AKAP13: variants seen among roughly 807,000 people sequenced by gnomAD.
AKAP13 encodes the protein A-kinase anchor protein 13.
AKAP13 carries 80 observed loss-of-function variants against 264.5 expected under a neutral mutation model. The observed-to-expected ratio is 0.30, with a 90% CI of 0.25 to 0.36. The LOEUF is 0.36. AKAP13 is among the 10% of genes least tolerant of loss of function. The pLI, the probability that AKAP13 is intolerant of heterozygous loss-of-function variation, is 1.00. For synonymous variants in AKAP13, 1,380 were observed against 1,250.2 expected (o/e 1.10, Z -2.19); for missense variants, 3,712 against 3,435.2 (o/e 1.08, Z -2.01).
chr15:85,683,319 C>T lies in AKAP13; in HGVS notation c.5156+1107C>T, dbSNP rs182038218. ...CCCTTGTGGTGCTGCTTCTGCCTGC[C>T]ACCTGCCCTCTCACAGAGGCCCTAG... On this transcript the variant is annotated intron_variant, in intron 15 of 36. Coordinates refer to ENST00000394518, the MANE Select transcript of AKAP13 (RefSeq NM_007200.5). 1.1e-4 allele frequency among the ~76,000 whole-genome samples: 17 copies of T among 152,330 alleles called. 1 individual carries two copies. In the East Asian group the frequency reaches 3.3e-3, roughly 29 times the overall value.
intron 9 of AKAP13, among the ~76,000 whole-genome samples, chr15:85,641,782 G>A (rs756547729): frequency 1.7e-4 from 26 of 151,896 alleles, no homozygotes; most frequent in Non-Finnish European, 2.9e-4. Flanking sequence ...ATGAGCCACC[G>A]TGCCTGGCCA....
chr15:85,655,928 C>G (rs1273902521), intron 11 of AKAP13, 141 bp downstream of exon 11: 3 of 1,345,538 alleles, frequency 2.2e-6, no homozygotes, highest in Non-Finnish European at 9.7e-7. Context: ...TCAGGAAAAT[C>G]TGTGTTCAGA....
rs11452064 is a variant in AKAP13, at chr15:85,419,935, GTTTTTTTTTTTT to G, written c.-12+39150_-12+39161del. ...GCTTAAGTGTCTGAATCTGACTCTT[GTTTTTTTTTTTT>G]TTTTTTTTTTTTGAGACGGAGTCTC... On this transcript the variant is annotated intron_variant, in intron 1 of 36. Coordinates refer to ENST00000394518, the MANE Select transcript of AKAP13 (RefSeq NM_007200.5). Among the ~76,000 whole-genome samples the G allele has an allele frequency of 3.2e-4, 25 of 77,988 alleles. No homozygotes were observed. In the East Asian group the frequency reaches 8.4e-3, roughly 26 times the overall value. 51.2% of individuals were successfully genotyped at this position (77,988 alleles called of 152,430 possible). A position where few individuals can be genotyped will look rare whatever the true frequency, so the allele number is the denominator to read the frequency against.
At chr15:85,520,548 C>A in intron 2 of AKAP13, 4 of 386,726 alleles carry the variant, frequency 1.0e-5, no homozygotes, top group Admixed American at 3.2e-5. Context: ...AGATGTCTTA[C>A]CTTCTAGTAG....
At chr15:85,499,696 T>C (rs189357216) in intron 2 of AKAP13, among the ~76,000 whole-genome samples, 3 of 151,382 alleles carry the variant, frequency 2.0e-5, no homozygotes, top group African/African-American at 4.9e-5. Flanking sequence ...AAAACACTTA[T>C]CTTTCAGGAT....
At position 85,746,140 on chromosome 15, in the gene AKAP13, G is replaced by A. The variant is rs2089361611; in HGVS notation, c.*1463G>A. The A allele has an allele frequency of 6.6e-6, 1 of 152,520 alleles. No homozygotes were observed. The allele number at this position is 152,520 out of a possible 1,614,324, so 9.4% of individuals were successfully genotyped here. A position where few individuals can be genotyped will look rare whatever the true frequency, so the allele number is the denominator to read the frequency against. On this transcript the variant is annotated 3_prime_UTR_variant, in exon 37 of 37. Transcript: ENST00000394518. Reference sequence around the variant, plus strand: ...TTGCTTTTTTGCCCCTCGGAAGCATGGGGCTTTTGAGCACACTTAAAAAAA... The same window carrying A: ...TTGCTTTTTTGCCCCTCGGAAGCATAGGGCTTTTGAGCACACTTAAAAAAA...
Position 85,747,702 on chromosome 15 carries a change from G to A in AKAP13, c.*3025G>A, listed in dbSNP as rs1188529328. On this transcript the variant is annotated 3_prime_UTR_variant, in exon 37 of 37. Coordinates refer to ENST00000394518, the MANE Select transcript of AKAP13 (RefSeq NM_007200.5). ...CTGTGTTTTCTTCTTAGAAAATGGAGAGGGTTAAAAACATGCAAACTGCCA... is the reference window on the plus strand; with the variant it reads ...CTGTGTTTTCTTCTTAGAAAATGGAAAGGGTTAAAAACATGCAAACTGCCA... 1 of 152,632 alleles carries A rather than the reference G, an allele frequency of 6.6e-6. No individual in the cohort carries two copies. Among genetic ancestry groups the A allele is most frequent in the Non-Finnish European group, 1.5e-5 (1 of 68,042 alleles). 9.5% of individuals were successfully genotyped at this position (152,632 alleles called of 1,614,324 possible).
chr15:85,598,993 G>C (rs536139337), intron 8 of AKAP13, among the ~76,000 whole-genome samples: 1 of 152,086 alleles, frequency 6.6e-6, no homozygotes, highest in African/African-American at 2.4e-5. Flanking sequence ...TATTACCCTC[G>C]TAGTCAACAC....
At chr15:85,543,694 C>T in intron 4 of AKAP13, 78 bp from the exon 5 acceptor site, 2 of 1,456,546 alleles carry the variant, frequency 1.4e-6, no homozygotes, top group South Asian at 1.4e-5. Flanking sequence ...GTGGTGTTTA[C>T]ATAACTTGTC....
intron 7 of AKAP13, among the ~76,000 whole-genome samples, chr15:85,585,106 A>G (rs1453483425): frequency 6.6e-6 from 1 of 152,230 alleles, no homozygotes; most frequent in Non-Finnish European, 1.5e-5. Flanking sequence ...CTCTTAAGAA[A>G]GGGATAGCTA....
chr15:85,645,414 A>G (rs2082508777), intron 9 of AKAP13, among the ~76,000 whole-genome samples: 1 of 152,228 alleles, frequency 6.6e-6, no homozygotes, highest in Non-Finnish European at 1.5e-5. Flanking sequence ...AACAAACCCC[A>G]TCACATAGTT....
At chr15:85,728,779 A>G (rs1401341513) in intron 29 of AKAP13, among the ~76,000 whole-genome samples, 3 of 152,144 alleles carry the variant, frequency 2.0e-5, no homozygotes, top group African/African-American at 7.2e-5. Flanking sequence ...GGTCAGGGCT[A>G]AGGGATGGGA....
intron 1 of AKAP13, among the ~76,000 whole-genome samples, chr15:85,460,354 C>G (rs764891454): frequency 6.6e-6 from 1 of 152,228 alleles, no homozygotes; most frequent in Non-Finnish European, 1.5e-5. Context: ...ACAGCTCGCC[C>G]TGCATTTTAC....
In AKAP13 at chr15:85,581,732, G is replaced by C. The variant is rs1257327973; in HGVS notation, c.3664G>C (p.Gly1222Arg). 3.1e-6 allele frequency: 5 copies of C among 1,614,192 alleles called. No individual in the cohort carries two copies. The stretch of plus-strand genomic sequence containing the variant: ...GGAAGTCATGCGAGCCCCGCCTTCA[G>C]GCAGGGAAAGGAGCACTCCCTCTCT... The part of the protein sequence containing the change: ...VREVMRAPPS[G>R]RERSTPSLPC... Residue 1222 changes from glycine (G) to arginine (R), a missense_variant, in exon 7 of 37, where the codon GGC (glycine) becomes CGC (arginine). By Grantham distance (125) the Gly-to-Arg change is moderately radical (BLOSUM62 -2). Coordinates refer to ENST00000394518, the MANE Select transcript of AKAP13 (RefSeq NM_007200.5).
chr15:85,501,008 G>A (rs1014266337), intron 2 of AKAP13, among the ~76,000 whole-genome samples: 1 of 152,126 alleles, frequency 6.6e-6, no homozygotes, highest in African/African-American at 2.4e-5. Context: ...TGGTTCATGG[G>A]ACTACCACCA....
chr15:85,446,345 G>C (rs1179582839), intron 1 of AKAP13, among the ~76,000 whole-genome samples: 3 of 152,172 alleles, frequency 2.0e-5, no homozygotes, highest in Admixed American at 6.5e-5. Context: ...AACGAAATAG[G>C]ATTTGTTGGG....
At chr15:85,598,941 G>A (rs1356071632) in intron 8 of AKAP13, among the ~76,000 whole-genome samples, 3 of 152,204 alleles carry the variant, frequency 2.0e-5, no homozygotes, top group Non-Finnish European at 4.4e-5. Flanking sequence ...AGAAAGTGAT[G>A]CGTGTATCAT....
Position 85,677,072 on chromosome 15 carries a change from C to T in AKAP13, c.5102-5086C>T, listed in dbSNP as rs1273452467. 1.2e-5 allele frequency: 12 copies of T among 985,262 alleles called. No homozygotes were observed. In the East Asian group the frequency reaches 5.7e-4, roughly 47 times the overall value. 61.0% of individuals were successfully genotyped at this position (985,262 alleles called of 1,614,324 possible). ...CTCTTTTCTCTTGGCTCTTCTTATT[C>T]GAGTGATGAGGAGGAGGAGTTGCAT... On this transcript the variant is annotated intron_variant, in intron 14 of 36. Coordinates refer to ENST00000394518, the MANE Select transcript of AKAP13 (RefSeq NM_007200.5).
At position 85,719,140 on chromosome 15, in the gene AKAP13, G is replaced by A. The variant is rs1321202281; in HGVS notation, c.6066G>A (p.Gln2022=). 6.2e-7 allele frequency: 1 copy of A among 1,614,160 alleles called. No homozygotes were observed. Among genetic ancestry groups the A allele is most frequent in the South Asian group, 1.1e-5 (1 of 91,072 alleles). ...TLKIMSGVYS[Q]GMMADLLFEQ... ...AGATCATGAGTGGTGTGTACAGCCA[G>A]GGGATGATGGCGGATCTGCTTTTTG... Residue 2022 remains glutamine, a synonymous_variant, in exon 23 of 37, where the codon CAG becomes CAA. Transcript: ENST00000394518.
Sources: allele counts gnomAD v4.1 joint callset (sites outside exome capture counted in the v4.1 genomes callset), GRCh38; gene constraint gnomAD v4.1.1; transcripts MANE v1.5; gene names NCBI Gene and HGNC (gene_info 2026-07-23, HGNC 2026-07-21).